The following FMN1 variants were observed in gnomAD, a reference collection of about 807,000 sequenced individuals.
The protein encoded by FMN1 is formin 1.
A neutral mutation model predicts 132.4 loss-of-function variants in FMN1; 110 were observed. That is an observed-to-expected ratio of 0.83 (90% CI 0.71 to 0.97). The LOEUF (loss-of-function observed/expected upper bound fraction) is 0.97. FMN1 is among the 50% of genes least tolerant of loss of function. The pLI is 0.00. For synonymous variants in FMN1, 722 were observed against 651.7 expected (o/e 1.11, Z -1.64); for missense variants, 1,792 against 1,705.3 (o/e 1.05, Z -0.90).
intron 7 of FMN1, among the ~76,000 whole-genome samples, chr15:32,981,293 C>A (rs1337819387): frequency 6.6e-6 from 1 of 151,756 alleles, no homozygotes; most frequent in Non-Finnish European, 1.5e-5. Flanking sequence ...AGATTGAGAC[C>A]ATCCTGGTTA....
intron 19 of FMN1, among the ~76,000 whole-genome samples, chr15:32,792,424 G>C (rs757125868): frequency 6.6e-6 from 1 of 151,000 alleles, no homozygotes; most frequent in African/African-American, 2.4e-5. Flanking sequence ...CAGCCTGGGC[G>C]ACAGAGCAAG....
intron 5 of FMN1, among the ~76,000 whole-genome samples, chr15:33,065,907 A>C (rs113641209): frequency 8.3e-4 from 127 of 152,284 alleles, no homozygotes; most frequent in Middle Eastern, 3.4e-3. Flanking sequence ...TTCTCATAAC[A>C]ACCATATAAC....
At chr15:32,856,885 T>C (rs1040897771) in intron 17 of FMN1, 130 bp downstream of exon 17, 17 of 651,982 alleles carry the variant, frequency 2.6e-5, no homozygotes, top group Non-Finnish European at 2.8e-5. Flanking sequence ...CATGGAAAGA[T>C]GGGCTAATGA....
intron 4 of FMN1, among the ~76,000 whole-genome samples, chr15:33,144,379 G>A (rs573754711): frequency 1.3e-5 from 2 of 152,218 alleles, no homozygotes; most frequent in South Asian, 4.2e-4. Flanking sequence ...GCTCACTCCT[G>A]TAATCCCAGC....
intron 12 of FMN1, among the ~76,000 whole-genome samples, chr15:32,904,571 C>A (rs1477732637): frequency 6.6e-6 from 1 of 151,990 alleles, no homozygotes; most frequent in South Asian, 2.1e-4. Context: ...TGGAGAGGGG[C>A]AAATGGATGA....
chr15:33,154,053 G>A lies in FMN1; in HGVS notation c.862C>T (p.Leu288=). ...GACAAACCTGTTTGCTGATGCTCCA[G>A]CCCGCTCGGCGGCCTCCGAATGCCA... ...GDGIRRPPSG[L]EHQQTGLSES... is the part of the protein sequence containing the mutation. Residue 288 remains leucine, a synonymous_variant, in exon 4 of 21, where the codon CTG becomes TTG. Transcript: ENST00000616417. 1 of 1,536,072 alleles carries A rather than the reference G, an allele frequency of 6.5e-7. No individual in the cohort carries two copies. The highest frequency in any genetic ancestry group is 8.7e-7 in the Non-Finnish European group (1 of 1,146,836).
intron 3 of FMN1, among the ~76,000 whole-genome samples, chr15:33,163,140 G>A (rs926133675): frequency 1.3e-5 from 2 of 151,934 alleles, no homozygotes; most frequent in Non-Finnish European, 1.5e-5. Context: ...AAAAAGATAT[G>A]TTACAGACAG....
At chr15:32,823,582 A>G (rs1357032065) in intron 17 of FMN1, among the ~76,000 whole-genome samples, 3 of 152,092 alleles carry the variant, frequency 2.0e-5, no homozygotes, top group Admixed American at 2.0e-4. Context: ...TCAAAACTCA[A>G]AGTTTTAAGT....
chr15:33,099,587 T>C (rs345788), intron 4 of FMN1, among the ~76,000 whole-genome samples: 22,617 of 152,192 alleles, frequency 0.15, 1,753 homozygotes, highest in Middle Eastern at 0.19. Flanking sequence ...AAGACAGTGA[T>C]GGTACAGTGC....
chr15:33,160,143 G>T (rs115285425), intron 3 of FMN1, among the ~76,000 whole-genome samples: 227 of 152,198 alleles, frequency 1.5e-3, no homozygotes, highest in African/African-American at 5.1e-3. Context: ...CCCAGCCTGT[G>T]GATTGTGGAT....
rs112847919 is a variant in FMN1, at chr15:32,889,608, C to A, written c.3715-1316G>T. 2.1e-3 allele frequency among the ~76,000 whole-genome samples: 321 copies of A among 152,288 alleles called. 2 individuals carry two copies. The highest frequency in any genetic ancestry group is 7.5e-3 in the African/African-American group (312 of 41,550). ...CCTTTGTCTATAAAATGGTCCCTTT[C>A]CGACCCTTCCCTAGTGCCTCCTTAC... On this transcript the variant is annotated intron_variant, in intron 15 of 20. Coordinates refer to ENST00000616417, the MANE Select transcript of FMN1 (RefSeq NM_001277313.2).
intron 17 of FMN1, among the ~76,000 whole-genome samples, chr15:32,832,039 T>C (rs1596034881): frequency 6.6e-6 from 1 of 152,318 alleles, no homozygotes; most frequent in East Asian, 1.9e-4. Flanking sequence ...AGACCAACAA[T>C]ATAGAGTTCC....
intron 4 of FMN1, among the ~76,000 whole-genome samples, chr15:33,134,955 T>C (rs1963700745): frequency 6.6e-6 from 1 of 152,218 alleles, no homozygotes; most frequent in Admixed American, 6.5e-5. Context: ...TGAGCCAAGA[T>C]CGTGCCACTG....
chr15:33,091,885 T>C (rs1241643926), intron 4 of FMN1, among the ~76,000 whole-genome samples: 1 of 152,220 alleles, frequency 6.6e-6, no homozygotes, highest in East Asian at 1.9e-4. Flanking sequence ...CCGACACAAA[T>C]AGATTTGGGG....
intron 6 of FMN1, among the ~76,000 whole-genome samples, chr15:33,025,630 C>T (rs998171511): frequency 2.6e-5 from 4 of 152,074 alleles, no homozygotes; most frequent in East Asian, 1.9e-4. Flanking sequence ...AGCAATTATG[C>T]GGCGTTTGTT....
chr15:32,946,682 A>C (rs960751311), intron 9 of FMN1, among the ~76,000 whole-genome samples: 9 of 152,308 alleles, frequency 5.9e-5, no homozygotes, highest in Middle Eastern at 3.4e-3. Flanking sequence ...GGAGCCCTTT[A>C]AGTTTTAAAA....
chr15:33,000,729 G>C (rs1389197202), intron 7 of FMN1, among the ~76,000 whole-genome samples: 1 of 152,168 alleles, frequency 6.6e-6, no homozygotes, highest in Non-Finnish European at 1.5e-5. Context: ...CAAACAATGG[G>C]TTTCTTGAAG....
chr15:33,048,328 T>A (rs1340232927), intron 6 of FMN1, among the ~76,000 whole-genome samples: 1 of 152,080 alleles, frequency 6.6e-6, no homozygotes, highest in Non-Finnish European at 1.5e-5. Flanking sequence ...GAAATGAGAT[T>A]ATATATAAGA....
chr15:33,015,275 G>T (rs2034975397), intron 6 of FMN1, among the ~76,000 whole-genome samples: 1 of 152,098 alleles, frequency 6.6e-6, no homozygotes, highest in Non-Finnish European at 1.5e-5. Context: ...TCGTAAACTT[G>T]GGGTAACTTT....
Sources: gnomAD v4.1 joint callset for allele counts (sites outside exome capture counted in the v4.1 genomes callset) on GRCh38, gnomAD v4.1.1 for gene constraint, MANE v1.5 for transcripts, NCBI Gene and HGNC (gene_info 2026-07-23, HGNC 2026-07-21) for gene names.